Variants in LTBP1 observed in about 807,000 individuals in gnomAD.
LTBP1 encodes latent transforming growth factor beta binding protein 1, also known as latent-transforming growth factor beta-binding protein 1.
In LTBP1, 129 loss-of-function variants were observed where a neutral mutation model predicts 207.6. That is an observed-to-expected ratio of 0.62 (90% CI 0.54 to 0.72). The LOEUF is 0.72. Ranked by LOEUF, LTBP1 falls within the 30% of genes least tolerant of loss-of-function variation. The pLI is 0.00. For missense variants in LTBP1, 2,281 were observed against 2,217.2 expected (o/e 1.03, Z -0.58); for synonymous variants, 963 against 833.7 (o/e 1.16, Z -2.67).
chr2:33,228,760 T>C (rs983566931), intron 9 of LTBP1, among the ~76,000 whole-genome samples: 5 of 135,496 alleles, frequency 3.7e-5, no homozygotes, highest in Non-Finnish European at 7.7e-5. Flanking sequence ...AGTGCAGTGG[T>C]GCAATCTCGG....
intron 3 of LTBP1, among the ~76,000 whole-genome samples, chr2:33,048,687 G>A (rs1006478622): frequency 3.3e-5 from 5 of 152,180 alleles, no homozygotes; most frequent in East Asian, 1.9e-4. Flanking sequence ...TGGACATTTC[G>A]AGGGAAGCGT....
At chr2:33,263,415 A>G in intron 15 of LTBP1, 23 bp downstream of exon 15, 5 of 1,546,978 alleles carry the variant, frequency 3.2e-6, no homozygotes, top group Non-Finnish European at 4.5e-6. Context: ...TTTTTACATT[A>G]TATATCACAT....
intron 4 of LTBP1, among the ~76,000 whole-genome samples, chr2:33,115,632 A>G (rs2080701449): frequency 6.6e-6 from 1 of 152,132 alleles, no homozygotes; most frequent in Non-Finnish European, 1.5e-5. Flanking sequence ...GGTGTGGGGT[A>G]GGGGTGGGGG....
intron 12 of LTBP1, among the ~76,000 whole-genome samples, chr2:33,257,827 T>C (rs961189546): frequency 7.2e-5 from 11 of 152,258 alleles, no homozygotes; most frequent in Admixed American, 5.9e-4. Flanking sequence ...CCTAATTTCA[T>C]TTCTTGTCTA....
rs1440461789 is a variant in LTBP1, at chr2:33,270,669, G to C, written c.2618-2987G>C. Among the ~76,000 whole-genome samples, 3 of 151,536 alleles carry C rather than the reference G, an allele frequency of 2.0e-5. No individual in the cohort carries two copies. In the East Asian group the frequency reaches 5.8e-4, roughly 30 times the overall value. On this transcript the variant is annotated intron_variant, in intron 15 of 33. Transcript: ENST00000404816. ...GATCTCTGAGGTCAAACTGATGACA[G>C]TTACATTAATTAATCACTTGTGTAA...
At chr2:33,074,793 C>A (rs1365582172) in intron 3 of LTBP1, among the ~76,000 whole-genome samples, 2 of 150,628 alleles carry the variant, frequency 1.3e-5, no homozygotes, top group African/African-American at 2.5e-5. Flanking sequence ...TGGCGTGAAC[C>A]GAGGAGGTGG....
intron 26 of LTBP1, among the ~76,000 whole-genome samples, chr2:33,351,816 C>T (rs1452764881): frequency 6.6e-6 from 1 of 152,222 alleles, no homozygotes; most frequent in East Asian, 1.9e-4. Context: ...CTAGTCTTTT[C>T]CTGTCTCATT....
At chr2:33,384,932 T>C (rs1193632000) in intron 31 of LTBP1, among the ~76,000 whole-genome samples, 2 of 152,210 alleles carry the variant, frequency 1.3e-5, no homozygotes, top group African/African-American at 4.8e-5. Flanking sequence ...AGAGGATGAC[T>C]TGCCCAAGTC....
At chr2:33,031,874 T>G (rs2075705896) in intron 3 of LTBP1, among the ~76,000 whole-genome samples, 1 of 152,040 alleles carries the variant, frequency 6.6e-6, no homozygotes, top group South Asian at 2.1e-4. Flanking sequence ...AGTGTCAGGC[T>G]CACCCTGGAA....
chr2:33,338,435 T>A (rs921559535), intron 24 of LTBP1, among the ~76,000 whole-genome samples: 15 of 152,202 alleles, frequency 9.9e-5, no homozygotes, highest in Admixed American at 9.8e-4. Flanking sequence ...AGCCACCAGG[T>A]TTCTAGTACA....
intron 26 of LTBP1, among the ~76,000 whole-genome samples, chr2:33,349,651 C>T (rs1272413233): frequency 6.6e-6 from 1 of 152,154 alleles, no homozygotes; most frequent in Non-Finnish European, 1.5e-5. Flanking sequence ...TAAATTTTTA[C>T]AGTTTTTCTC....
At chr2:33,084,585 G>T (rs189128339) in intron 3 of LTBP1, among the ~76,000 whole-genome samples, 47 of 152,232 alleles carry the variant, frequency 3.1e-4, no homozygotes, top group African/African-American at 1.1e-3. Context: ...TACAAAGCAA[G>T]GTTACATCCC....
At chr2:33,202,783 G>A (rs964701) in intron 7 of LTBP1, among the ~76,000 whole-genome samples, 2,252 of 152,288 alleles carry the variant, frequency 0.015, 23 homozygotes, top group East Asian at 0.026. Flanking sequence ...TTATGGATAG[G>A]GCCCTCCCAG....
At chr2:33,015,235 G>C (rs1185291793) in intron 2 of LTBP1, among the ~76,000 whole-genome samples, 1 of 152,144 alleles carries the variant, frequency 6.6e-6, no homozygotes, top group Non-Finnish European at 1.5e-5. Flanking sequence ...TGCAGACTTT[G>C]TGTCTTTGCA....
At chr2:33,018,203 A>C (rs1252619558) in intron 2 of LTBP1, among the ~76,000 whole-genome samples, 1 of 149,258 alleles carries the variant, frequency 6.7e-6, no homozygotes, top group Non-Finnish European at 1.5e-5. Flanking sequence ...TTACCCTACC[A>C]CATGAAAAAT....
At chr2:33,216,775 T>G (rs1467226318) in intron 7 of LTBP1, among the ~76,000 whole-genome samples, 1 of 152,118 alleles carries the variant, frequency 6.6e-6, no homozygotes, top group Non-Finnish European at 1.5e-5. Flanking sequence ...TCTTAGGCAC[T>G]TCCTCACCCC....
At chr2:33,244,524 T>TC (rs1254819705) in intron 10 of LTBP1, among the ~76,000 whole-genome samples, 2 of 152,242 alleles carry the variant, frequency 1.3e-5, no homozygotes, top group Non-Finnish European at 2.9e-5. Flanking sequence ...TCACTACAGA[T>TC]CATATGCCAT....
intron 5 of LTBP1, among the ~76,000 whole-genome samples, chr2:33,144,587 G>T (rs1413790983): frequency 6.6e-6 from 1 of 152,188 alleles, no homozygotes; most frequent in African/African-American, 2.4e-5. Flanking sequence ...TATAACATTT[G>T]ATCCTACTTT....
intron 2 of LTBP1, among the ~76,000 whole-genome samples, chr2:33,006,016 C>T (rs914548989): frequency 1.3e-5 from 2 of 152,188 alleles, no homozygotes; most frequent in Admixed American, 1.3e-4. Context: ...CTCATTCTCA[C>T]TCCACAGAAG....
Sources: allele counts gnomAD v4.1 joint callset (sites outside exome capture counted in the v4.1 genomes callset), GRCh38; gene constraint gnomAD v4.1.1; transcripts MANE v1.5; gene names NCBI Gene and HGNC (gene_info 2026-07-23, HGNC 2026-07-21).